GART: variants seen among roughly 807,000 people sequenced by gnomAD.
GART encodes the protein trifunctional purine biosynthetic protein adenosine-3.
Under a neutral mutation model 107.2 loss-of-function variants are expected in GART, and 43 were observed. The observed-to-expected ratio is 0.40, with a 90% CI of 0.31 to 0.52. The LOEUF is 0.52. GART is among the 20% of genes least tolerant of loss of function. GART has a pLI of 0.52. For synonymous variants in GART, 434 were observed against 427.0 expected, an observed-to-expected ratio of 1.02 and a Z score of -0.20; for missense variants, 1,107 against 1,206.5, an observed-to-expected ratio of 0.92 and a Z score of 1.22.
At chr21:33,504,390 T>G (rs1195366784) in intron 21 of GART, 22 bp downstream of exon 21, 6 of 1,609,932 alleles carry the variant, frequency 3.7e-6, no homozygotes, top group Non-Finnish European at 5.1e-6. Flanking sequence ...AATATTATGT[T>G]GGTAGAAAAA....
chr21:33,536,007 A>AGAT lies in GART; in HGVS notation c.146-690_146-688dup, dbSNP rs60884363. 7.5e-3 allele frequency among the ~76,000 whole-genome samples: 1,141 copies of AGAT among 152,030 alleles called. 45 individuals carry two copies. The East Asian group carries it at 0.12, about 16-fold the overall frequency. ...CGCACCACTGCACTCCAGCCTGGGT[A>AGAT]GATAACAAGAACGAAACTCTGTCTC... On this transcript the variant is annotated intron_variant, in intron 2 of 21. Coordinates refer to ENST00000381815, the MANE Select transcript of GART (RefSeq NM_000819.5).
chr21:33,508,281 C>A (rs909532960), intron 18 of GART, among the ~76,000 whole-genome samples: 5 of 151,960 alleles, frequency 3.3e-5, no homozygotes, highest in Admixed American at 2.0e-4. Context: ...GAAAAACTGA[C>A]CCTCTCAAGA....
chr21:33,527,678 G>T lies in GART; in HGVS notation c.1066+489C>A, dbSNP rs1052158004. ...CACCTACTTTATATAAAGAGAGAGA[G>T]AAAAAAAAGAGAAGGATAAACTTTG... On this transcript the variant is annotated intron_variant, in intron 10 of 21. Transcript: ENST00000381815. Among the ~76,000 whole-genome samples, 9 of 151,790 alleles carry T rather than the reference G, an allele frequency of 5.9e-5. No individual in the cohort carries two copies. The East Asian group carries it at 1.7e-3, about 29-fold the overall frequency.
In GART at chr21:33,504,404, A is replaced by G. The variant is rs781036551; in HGVS notation, c.2841+8T>C. 6 of 1,612,144 alleles carry G rather than the reference A, an allele frequency of 3.7e-6. No homozygotes were observed. Among genetic ancestry groups the G allele is most frequent in the Non-Finnish European group, 5.1e-6 (6 of 1,178,240 alleles). On this transcript the variant is annotated splice_region_variant and intron_variant, in intron 21 of 21. Coordinates refer to ENST00000381815, the MANE Select transcript of GART (RefSeq NM_000819.5). ...TAATATTATGTTGGTAGAAAAAGAC[A>G]TACTCACAGCTACAAAGTGTACAGT...
At position 33,504,381 on chromosome 21, in the gene GART, A is replaced by T. The variant is rs757238601; in HGVS notation, c.2841+31T>A. ...CAGTGTCATTTACATCTGACTACTAATATTATGTTGGTAGAAAAAGACATA... is the reference window on the plus strand; with the variant it reads ...CAGTGTCATTTACATCTGACTACTATTATTATGTTGGTAGAAAAAGACATA... On this transcript the variant is annotated intron_variant, in intron 21 of 21. Coordinates refer to ENST00000381815, the MANE Select transcript of GART (RefSeq NM_000819.5). 3 of 1,608,946 alleles carry T rather than the reference A, an allele frequency of 1.9e-6. No individual in the cohort carries two copies. The African/African-American group carries it at 4.0e-5, about 21-fold the overall frequency.
At chr21:33,532,272 C>T in intron 5 of GART, 73 bp downstream of exon 5, 3 of 1,058,636 alleles carry the variant, frequency 2.8e-6, no homozygotes, top group African/African-American at 1.6e-5. Context: ...TTGTGAGGAA[C>T]ATTTTTTAAA....
chr21:33,525,084 C>CT (rs35083461), intron 10 of GART, 84 bp from the exon 11 acceptor site: 272,891 of 1,329,344 alleles, frequency 0.21, 3,205 homozygotes, highest in Non-Finnish European at 0.22. Flanking sequence ...CCACAAGTTT[C>CT]TTTTTTTTTT....
chr21:33,524,237 G>A, intron 11 of GART: 1 of 985,648 alleles, frequency 1.0e-6, no homozygotes, highest in Non-Finnish European at 1.2e-6. Flanking sequence ...ACAACACTAT[G>A]TGATAACGCA....
chr21:33,517,495 T>G lies in GART; in HGVS notation c.1816A>C (p.Thr606Pro). The G allele has an allele frequency of 1.2e-6, 2 of 1,614,212 alleles. No individual in the cohort carries two copies. The highest frequency in any genetic ancestry group is 1.7e-6 in the Non-Finnish European group (2 of 1,180,042). The change falls in exon 15 of 22, where the codon ACT (threonine) becomes CCT (proline). Residue 606 changes from threonine to proline, a missense_variant. Physicochemically the swap from Thr to Pro is conservative, Grantham distance 38 (BLOSUM62 -1). Transcript: ENST00000381815. The stretch of plus-strand genomic sequence containing the variant: ...ATTCCAACAACAACATCACCCTCAG[T>G]GATTCTTTCCAGGTGAGGGAGTTTC... ...DQKLPHLERI[T>P]EGDVVVGIAS...
At chr21:33,517,688 C>T (rs1842585393) in intron 14 of GART, 80 bp from the exon 15 acceptor site, 1 of 1,394,582 alleles carries the variant, frequency 7.2e-7, no homozygotes. Flanking sequence ...CTACTCTTAA[C>T]ATGAACAACT....
Position 33,532,347 on chromosome 21 carries a change from G to C in GART, c.526C>G (p.Gln176Glu). 2 of 1,610,856 alleles carry C rather than the reference G, an allele frequency of 1.2e-6. No individual in the cohort carries two copies. Among genetic ancestry groups the C allele is most frequent in the Non-Finnish European group, 1.7e-6 (2 of 1,177,318 alleles). The change falls in exon 5 of 22, where the codon CAG (glutamine) becomes GAG (glutamate). Residue 176 changes from glutamine (Q) to glutamate (E), a missense_variant and splice_region_variant. Physicochemically the swap from Gln to Glu is conservative, Grantham distance 29. Coordinates refer to ENST00000381815, the MANE Select transcript of GART (RefSeq NM_000819.5). ...TTTTTTCAGAAGACCCAGCCTACCT[G>C]CATGATCTCTTGTACAGCTTTGCAG... ...EACKAVQEIM[Q>E]EKAFGAAGET...
rs2085044755 is a variant in GART, at chr21:33,525,005, A to G, written c.1067-5T>C. On this transcript the variant is annotated splice_polypyrimidine_tract_variant and splice_region_variant and intron_variant, in intron 10 of 21. Transcript: ENST00000381815. ...GAGCTTGAGCCTCAGGAAACCCTAG[A>G]AGAGAGCATATTTGACATATGATTT... is the stretch of plus-strand genomic sequence containing the variant. 1 of 1,612,360 alleles carries G rather than the reference A, an allele frequency of 6.2e-7. No homozygotes were observed. Among genetic ancestry groups the G allele is most frequent in the African/African-American group, 1.3e-5 (1 of 74,792 alleles).
chr21:33,506,597 T>C (rs1180111694), intron 18 of GART, among the ~76,000 whole-genome samples: 2 of 152,160 alleles, frequency 1.3e-5, no homozygotes, highest in Admixed American at 6.6e-5. Context: ...AGCTTCTGTA[T>C]AGCAATGGAA....
At chr21:33,533,528 G>A (rs748310013) in intron 4 of GART, among the ~76,000 whole-genome samples, 3 of 151,770 alleles carry the variant, frequency 2.0e-5, no homozygotes, top group Non-Finnish European at 4.4e-5. Flanking sequence ...AGATGACCAA[G>A]TGATGATTAC....
intron 11 of GART, among the ~76,000 whole-genome samples, chr21:33,523,346 G>A (rs1218346500): frequency 2.0e-5 from 3 of 152,150 alleles, no homozygotes; most frequent in Admixed American, 6.5e-5. Flanking sequence ...AAAGACTGAT[G>A]TTAAAAAACC....
chr21:33,530,992 GTTT>G, intron 6 of GART, 108 bp from the exon 7 acceptor site: 1 of 791,372 alleles, frequency 1.3e-6, no homozygotes, highest in Non-Finnish European at 1.7e-6. Context: ...GGAAAAGTTT[GTTT>G]TTTTTTTTGC....
chr21:33,532,700 A>C (rs1252040889), intron 4 of GART, among the ~76,000 whole-genome samples: 3 of 152,250 alleles, frequency 2.0e-5, no homozygotes, highest in East Asian at 1.9e-4. Context: ...GAGATTACAT[A>C]GGCAATATCT....
rs563178142 is a variant in GART at position 33,512,289 on chromosome 21, G to GAAA, written c.2108-834_2108-832dup. On this transcript the variant is annotated intron_variant, in intron 16 of 21. Transcript: ENST00000381815. ...ACAGAGTGAGACTCCGACTCAAATT[G>GAAA]AAAAAAAAAAAAAAAAAAAAAAGAA... Among the ~76,000 whole-genome samples, 147 of 65,428 alleles carry GAAA rather than the reference G, an allele frequency of 2.2e-3. 1 individual carries two copies. The highest frequency in any genetic ancestry group is 4.0e-3 in the African/African-American group (64 of 16,146). The allele number at this position is 65,428 out of a possible 152,430, so 42.9% of individuals were successfully genotyped here.
In GART at chr21:33,530,768, T is replaced by C. The variant is rs1298384080; in HGVS notation, c.714A>G (p.Pro238=). The change falls in exon 7 of 22, where the codon CCA becomes CCG. Residue 238 remains proline (P), a synonymous_variant. Transcript: ENST00000381815. The part of the protein sequence containing the change: ...PNTGGMGAYC[P]APQVSNDLLL... ...AGTCTTCGGGAAGTACCTGAGGGGC[T>C]GGACAATAGGCTCCCATTCCCCCTG... 1.3e-6 allele frequency: 2 copies of C among 1,488,482 alleles called. No individual in the cohort carries two copies. The highest frequency in any genetic ancestry group is 8.9e-7 in the Non-Finnish European group (1 of 1,123,418). The allele number at this position is 1,488,482 out of a possible 1,614,324, so 92.2% of individuals were successfully genotyped here.
Sources: allele counts gnomAD v4.1 joint callset (sites outside exome capture counted in the v4.1 genomes callset), GRCh38; gene constraint gnomAD v4.1.1; transcripts MANE v1.5; gene names NCBI Gene and HGNC (gene_info 2026-07-23, HGNC 2026-07-21).